The following ZDHHC11 variants were observed in gnomAD, a reference collection of about 807,000 sequenced individuals.
The protein encoded by ZDHHC11 is zDHHC palmitoyltransferase 11.
In ZDHHC11, 44 loss-of-function variants were observed where a neutral mutation model predicts 51.3. That is an observed-to-expected ratio of 0.86 (90% CI 0.67 to 1.10). The LOEUF (loss-of-function observed/expected upper bound fraction) is 1.10, where lower values mean the gene tolerates loss of function less well. Ranked by LOEUF, ZDHHC11 falls within the 50% of genes least tolerant of loss-of-function variation. The pLI, the probability that ZDHHC11 is intolerant of heterozygous loss-of-function variation, is 0.00. For synonymous variants in ZDHHC11, 163 were observed against 222.0 expected (o/e 0.73, Z 2.36); for missense variants, 400 against 537.7 (o/e 0.74, Z 2.53).
Position 803,020 on chromosome 5 carries a change from C to CAA in ZDHHC11, c.1182-1858_1182-1857dup, listed in dbSNP as rs70957307. 6.1e-4 allele frequency among the ~76,000 whole-genome samples: 85 copies of CAA among 138,790 alleles called. 3 individuals are homozygous for CAA. The highest frequency in any genetic ancestry group is 5.6e-3 in the South Asian group (24 of 4,308). 91.1% of individuals were successfully genotyped at this position (138,790 alleles called of 152,430 possible). ...TGGGCGACAGAGCGAGACTCTATCT[C>CAA]AAAAAAAAAAAAGAAAAAGAAAGGA... On this transcript the variant is annotated intron_variant, in intron 11 of 12. Transcript: ENST00000283441.
At chr5:833,190 A>G (rs1296108890) in intron 7 of ZDHHC11, among the ~76,000 whole-genome samples, 1 of 152,260 alleles carries the variant, frequency 6.6e-6, no homozygotes, top group Non-Finnish European at 1.5e-5. Context: ...AGAAGTCATC[A>G]GAAAGAGTCT....
chr5:825,528 C>A (rs1458672370), intron 7 of ZDHHC11, among the ~76,000 whole-genome samples: 1 of 152,146 alleles, frequency 6.6e-6, no homozygotes, highest in Non-Finnish European at 1.5e-5. Context: ...CTGCCCTACA[C>A]CAGTGCCTAA....
rs767966411 is a variant in ZDHHC11 at position 838,697 on chromosome 5, G to A, written c.785-1217C>T. 5.9e-5 allele frequency among the ~76,000 whole-genome samples: 9 copies of A among 152,324 alleles called. No individual in the cohort carries two copies. In the East Asian group the frequency reaches 1.5e-3, roughly 26 times the overall value. On this transcript the variant is annotated intron_variant, in intron 5 of 12. Transcript: ENST00000283441. ...CTGCCACACTTGGTCTGGGCTTTGC[G>A]TTCAAGAAGCCCATTCCAAGTGCAG... is the stretch of plus-strand genomic sequence containing the variant.
At position 803,030 on chromosome 5, in the gene ZDHHC11, AAAG is replaced by A. The variant is rs757750835; in HGVS notation, c.1182-1869_1182-1867del. The stretch of plus-strand genomic sequence containing the variant: ...AGCGAGACTCTATCTCAAAAAAAAA[AAAG>A]AAAAAGAAAGGAGAAGCTGCTGGTC... On this transcript the variant is annotated intron_variant, in intron 11 of 12. Coordinates refer to ENST00000283441, the MANE Select transcript of ZDHHC11 (RefSeq NM_024786.3). Among the ~76,000 whole-genome samples the A allele has an allele frequency of 1.6e-4, 24 of 149,990 alleles. No individual in the cohort carries two copies. The East Asian group carries it at 4.1e-3, about 25-fold the overall frequency.
At chr5:824,128 C>T (rs1261850402) in intron 8 of ZDHHC11, 3 of 452,442 alleles carry the variant, frequency 6.6e-6, no homozygotes, top group Non-Finnish European at 1.3e-5. Context: ...CACCTGTAAC[C>T]TCCAGAAGCT....
chr5:817,166 T>C (rs1355485870), intron 10 of ZDHHC11, among the ~76,000 whole-genome samples: 1 of 151,648 alleles, frequency 6.6e-6, no homozygotes, highest in East Asian at 1.9e-4. Context: ...TGAGAAGTTG[T>C]AGCTCTGAGG....
intron 12 of ZDHHC11, among the ~76,000 whole-genome samples, chr5:797,254 G>T (rs1306367539): frequency 1.5e-4 from 23 of 151,412 alleles, no homozygotes; most frequent in Admixed American, 1.2e-3. Context: ...TTTGTTTACG[G>T]CATTTATCAA....
intron 9 of ZDHHC11, among the ~76,000 whole-genome samples, chr5:820,803 T>C (rs1579624026): frequency 6.6e-6 from 1 of 151,170 alleles, no homozygotes; most frequent in South Asian, 2.1e-4. Flanking sequence ...AAATGAAAAA[T>C]GAAAAAATCT....
rs1470216677 is a variant in ZDHHC11, at chr5:848,477, C to A, written c.401+5G>T. ...CTTGGGGCCTCGGCGAGGGCGGGCA[C>A]TCACACGGTGACCTTGCACAGGTGG... On this transcript the variant is annotated splice_donor_5th_base_variant and intron_variant, in intron 2 of 12. Coordinates refer to ENST00000283441, the MANE Select transcript of ZDHHC11 (RefSeq NM_024786.3). 7.3e-7 allele frequency: 1 copy of A among 1,374,936 alleles called. No individual in the cohort carries two copies. The highest frequency in any genetic ancestry group is 2.5e-5 in the East Asian group (1 of 39,422). 85.2% of individuals were successfully genotyped at this position (1,374,936 alleles called of 1,614,324 possible). A position where few individuals can be genotyped will look rare whatever the true frequency, so the allele number is the denominator to read the frequency against.
At chr5:828,328 C>A (rs1391248382) in intron 7 of ZDHHC11, among the ~76,000 whole-genome samples, 2 of 151,122 alleles carry the variant, frequency 1.3e-5, no homozygotes, top group African/African-American at 4.9e-5. Flanking sequence ...CGGAGGCACC[C>A]CCCACCTCCC....
rs1178871345 is a variant in ZDHHC11, at chr5:819,549, G to A, written c.1122C>T (p.His374=). 6.2e-7 allele frequency: 1 copy of A among 1,609,908 alleles called. No individual in the cohort carries two copies. The highest frequency in any genetic ancestry group is 2.2e-5 in the East Asian group (1 of 44,870). The change falls in exon 10 of 13, where the codon CAC becomes CAT. Residue 374 remains histidine (H), a synonymous_variant. Transcript: ENST00000283441. ...RRLCQFSTRV[H]PDGGSMAQEA... is the part of the protein sequence containing the mutation. The stretch of plus-strand genomic sequence containing the variant: ...CCTGTGCCATCGAGCCCCCGTCTGG[G>A]TGTACACGAGTGGAGAACTGACACA...
At position 850,836 on chromosome 5, in the gene ZDHHC11, G is replaced by A. The variant is rs989078914; in HGVS notation, c.-234C>T. The A allele has an allele frequency of 3.0e-4, 178 of 602,196 alleles. No homozygotes were observed. Among genetic ancestry groups the A allele is most frequent in the Admixed American group, 9.6e-4 (32 of 33,196 alleles). 37.3% of individuals were successfully genotyped at this position (602,196 alleles called of 1,614,324 possible). A position where few individuals can be genotyped will look rare whatever the true frequency, so the allele number is the denominator to read the frequency against. ...CAGACATGCTGCAGAATGTGACCCC[G>A]GCCAGAGCCGAGTGGCAACGGAAAA... On this transcript the variant is annotated 5_prime_UTR_variant, in exon 1 of 13. Transcript: ENST00000283441.
intron 6 of ZDHHC11, among the ~76,000 whole-genome samples, chr5:834,574 C>G (rs1743546880): frequency 6.6e-6 from 1 of 152,222 alleles, no homozygotes. Flanking sequence ...TTTGTGTATT[C>G]TGGACATCAG....
intron 7 of ZDHHC11, among the ~76,000 whole-genome samples, chr5:827,643 T>C (rs1259233700): frequency 1.3e-5 from 2 of 151,294 alleles, no homozygotes; most frequent in African/African-American, 4.9e-5. Context: ...AGAGCAACAT[T>C]ATACGATGAT....
chr5:844,315 CCCA>C (rs1745742405), intron 3 of ZDHHC11, among the ~76,000 whole-genome samples: 1 of 152,300 alleles, frequency 6.6e-6, no homozygotes, highest in Admixed American at 6.5e-5. Context: ...GCCTTTAATC[CCCA>C]CAAGGAACAA....
Position 795,980 on chromosome 5 carries a change from GCT to G in ZDHHC11, c.*606_*607del, listed in dbSNP as rs1276083610. On this transcript the variant is annotated 3_prime_UTR_variant, in exon 13 of 13. Coordinates refer to ENST00000283441, the MANE Select transcript of ZDHHC11 (RefSeq NM_024786.3). ...CTGTATGCCCATTTCCCAGTACTGT[GCT>G]CCCATTTCTCAGTAGTGTACTCCCA... 83 of 42,288 alleles carry G rather than the reference GCT, an allele frequency of 2.0e-3. No homozygotes were observed. Among genetic ancestry groups the G allele is most frequent in the South Asian group, 8.1e-3 (6 of 738 alleles). The allele number at this position is 42,288 out of a possible 1,614,324, so 2.6% of individuals were successfully genotyped here. A position where few individuals can be genotyped will look rare whatever the true frequency, so the allele number is the denominator to read the frequency against.
At chr5:845,102 C>A (rs542857894) in intron 3 of ZDHHC11, among the ~76,000 whole-genome samples, 2 of 152,304 alleles carry the variant, frequency 1.3e-5, no homozygotes, top group African/African-American at 2.4e-5. Context: ...GCCTTCCCCG[C>A]GCTCCTCCTC....
At chr5:841,821 T>C (rs1745024081) in intron 4 of ZDHHC11, 2 of 994,276 alleles carry the variant, frequency 2.0e-6, no homozygotes, top group African/African-American at 3.5e-5. Context: ...CAAGGCAGAA[T>C]GGCAGAGGGA....
At chr5:806,642 G>A (rs1200539965) in intron 11 of ZDHHC11, among the ~76,000 whole-genome samples, 1 of 151,200 alleles carries the variant, frequency 6.6e-6, no homozygotes, top group Non-Finnish European at 1.5e-5. Context: ...ACTGACAAAA[G>A]GTTTGTATAA....
Sources: allele counts gnomAD v4.1 joint callset (sites outside exome capture counted in the v4.1 genomes callset), GRCh38; gene constraint gnomAD v4.1.1; transcripts MANE v1.5; gene names NCBI Gene and HGNC (gene_info 2026-07-23, HGNC 2026-07-21).